Variants in BCOR observed in about 807,000 individuals in gnomAD.
BCOR encodes the protein BCL-6 corepressor.
A neutral mutation model predicts 86.7 loss-of-function variants in BCOR; 10 were observed. That is an observed-to-expected ratio of 0.12 (90% confidence interval 0.07 to 0.20). The LOEUF is 0.20. Among genes scored for constraint, BCOR ranks in the 10% least tolerant of loss-of-function variants. The pLI, the probability that BCOR is intolerant of heterozygous loss-of-function variation, is 1.00. For synonymous variants in BCOR, 611 were observed against 609.0 expected (o/e 1.00, Z -0.05); for missense variants, 1,259 against 1,452.1 (o/e 0.87, Z 2.16).
intron 1 of BCOR, among the ~76,000 whole-genome samples, chrX:40,145,511 G>C (rs1015134350): frequency 1.8e-5 from 2 of 111,125 alleles, no homozygotes; most frequent in South Asian, 3.8e-4. Context: ...AAAGGCAAAA[G>C]AGTCCCCGTT....
chrX:40,083,083 T>G (rs1602178554), intron 1 of BCOR, among the ~76,000 whole-genome samples: 1 of 100,559 alleles, frequency 9.9e-6, no homozygotes, highest in African/African-American at 3.7e-5. Flanking sequence ...AAGGGAGGGG[T>G]GAAGAAGTTC....
intron 8 of BCOR, 39 bp from the exon 9 acceptor site, chrX:40,063,110 G>GGGGGC: frequency 4.7e-6 from 3 of 644,532 alleles, no homozygotes; most frequent in East Asian, 1.1e-4. Flanking sequence ...GGGCGGATGG[G>GGGGGC]AGACGGGAGA....
intron 1 of BCOR, among the ~76,000 whole-genome samples, chrX:40,085,013 C>G (rs1189284078): frequency 9.0e-6 from 1 of 111,324 alleles, no homozygotes; most frequent in Non-Finnish European, 1.9e-5. Context: ...CATGGAACAA[C>G]TATGGTATAG....
rs1294441217 is a variant in BCOR at position 40,096,813 on chromosome X, A to ACCCAGCTT, written c.-41+394_-41+401dup. 3.6e-5 allele frequency among the ~76,000 whole-genome samples: 4 copies of ACCCAGCTT among 111,898 alleles called. No homozygotes were observed. The East Asian group carries it at 1.1e-3, about 32-fold the overall frequency. On this transcript the variant is annotated intron_variant, in intron 1 of 14. Coordinates refer to ENST00000378444, the MANE Select transcript of BCOR (RefSeq NM_001123385.2). ...CTTCCTGCTCGCGAGCTAACGCCGA[A>ACCCAGCTT]CCCAGCTTCCCAGCTTCCAGCCCAC...
At position 40,073,745 on chromosome X, in the gene BCOR, C is replaced by G. The variant is rs1407822292; in HGVS notation, c.1601G>C (p.Trp534Ser). 3.3e-6 allele frequency: 4 copies of G among 1,211,854 alleles called. No homozygotes were observed. Among genetic ancestry groups the G allele is most frequent in the Admixed American group, 4.3e-5 (2 of 46,092 alleles). ...SMSLKNKALD[W>S]AIPQQRSSSC... ...TGAACTCCGCTGCTGTGGTATCGCC[C>G]AGTCCAATGCCTTGTTTTTCAGCGA... is the stretch of plus-strand genomic sequence containing the variant. The change falls in exon 4 of 15, where the codon TGG (tryptophan) becomes TCG (serine). Residue 534 changes from tryptophan (W) to serine (S), a missense_variant. Trp to Ser is a radical substitution (Grantham distance 177). Coordinates refer to ENST00000378444, the MANE Select transcript of BCOR (RefSeq NM_001123385.2).
At position 40,073,253 on chromosome X, in the gene BCOR, G is replaced by A. The variant is rs1428560312; in HGVS notation, c.2093C>T (p.Pro698Leu). The A allele has an allele frequency of 3.3e-6, 4 of 1,210,545 alleles. No individual in the cohort carries two copies. The highest frequency in any genetic ancestry group is 4.5e-6 in the Non-Finnish European group (4 of 895,189). The change falls in exon 4 of 15, where the codon CCA becomes CTA. Residue 698 changes from proline (P) to leucine (L), a missense_variant. Physicochemically the swap from Pro to Leu is moderately conservative, Grantham distance 98 (BLOSUM62 -3). Coordinates refer to ENST00000378444, the MANE Select transcript of BCOR (RefSeq NM_001123385.2). ...NGSLFPGHLA[P>L]KPGLPYGLPT... ...AAGCCCATAGGGCAGCCCAGGCTTT[G>A]GGGCAAGGTGCCCAGGAAACAGACT...
At chrX:40,084,058 C>A (rs1489233336) in intron 1 of BCOR, among the ~76,000 whole-genome samples, 1 of 112,248 alleles carries the variant, frequency 8.9e-6, no homozygotes, top group Non-Finnish European at 1.9e-5. Flanking sequence ...GGTTCCCTTC[C>A]GATCATACTA....
In BCOR at chrX:40,054,243, C is replaced by T; in HGVS notation, c.4819+13G>A. 8.3e-7 allele frequency: 1 copy of T among 1,201,722 alleles called. No individual in the cohort carries two copies. The highest frequency in any genetic ancestry group is 1.1e-6 in the Non-Finnish European group (1 of 887,871). On this transcript the variant is annotated intron_variant, in intron 13 of 14. Transcript: ENST00000378444. The stretch of plus-strand genomic sequence containing the variant: ...TCACCTCCTACGGAACTAGAGCAAA[C>T]AATGCAGCTTACCACAAACAGAGCT...
chrX:40,133,388 G>A (rs1252897387), intron 1 of BCOR, among the ~76,000 whole-genome samples: 1 of 109,941 alleles, frequency 9.1e-6, no homozygotes, highest in East Asian at 2.8e-4. Context: ...CACCCTCCTC[G>A]GCCTCCCGAA....
chrX:40,117,034 GAGA>G (rs1273321669), intron 1 of BCOR, among the ~76,000 whole-genome samples: 1 of 112,495 alleles, frequency 8.9e-6, no homozygotes, highest in African/African-American at 3.2e-5. Context: ...ACCCGGAGGA[GAGA>G]AGATCAGTTT....
intron 1 of BCOR, among the ~76,000 whole-genome samples, chrX:40,147,258 T>G (rs191607083): frequency 8.9e-6 from 1 of 112,641 alleles, no homozygotes; most frequent in African/African-American, 3.2e-5. Context: ...CCTCGAAGTC[T>G]GCCGCAGAAA....
chrX:40,052,253 A>G lies in BCOR; in HGVS notation c.5124T>C (p.Ser1708=). The change falls in exon 15 of 15, where the codon TCT becomes TCC. Residue 1708 remains serine, a synonymous_variant. Coordinates refer to ENST00000378444, the MANE Select transcript of BCOR (RefSeq NM_001123385.2). ...YRQVSASLLF[S]CSKDLEAFNP... ...TGAAGGCTTCCAGGTCTTTGGAGCA[A>G]GAGAACAAGAGACTTGCAGAAACCT... The G allele has an allele frequency of 8.3e-7, 1 of 1,212,047 alleles. No individual in the cohort carries two copies. The highest frequency in any genetic ancestry group is 1.7e-5 in the African/African-American group (1 of 57,914).
chrX:40,077,099 G>T, intron 2 of BCOR: 1 of 247,712 alleles, frequency 4.0e-6, no homozygotes, highest in South Asian at 3.9e-5. Flanking sequence ...AATGACAGGG[G>T]GATACACACT....
At chrX:40,158,524 C>T (rs73621147) in intron 1 of BCOR, among the ~76,000 whole-genome samples, 1,171 of 112,543 alleles carry the variant, frequency 0.01, 18 homozygotes, top group African/African-American at 0.036. Context: ...GAAAGCGTGG[C>T]CTGTAGTGTC....
In BCOR at chrX:40,063,673, C is replaced by G. The variant is rs764822863; in HGVS notation, c.3782G>C (p.Arg1261Thr). ...NITEEKPGRK[R>T]AEAKGNRSWS... ...GCTTCTGTTGCCTTTGGCCTCTGCC[C>G]TTTTCCTGCCAGGTTTCTCTTCAGT... Residue 1261 changes from arginine (R) to threonine (T), a missense_variant, in exon 8 of 15, where the codon AGG (arginine) becomes ACG (threonine). This residue lies in a region of BCOR where 305 missense variants were observed against 286.1 expected (regional missense o/e 1.07). Coordinates refer to ENST00000378444, the MANE Select transcript of BCOR (RefSeq NM_001123385.2). The G allele has an allele frequency of 5.8e-6, 7 of 1,211,584 alleles. No homozygotes were observed. The highest frequency in any genetic ancestry group is 3.0e-5 in the East Asian group (1 of 33,839).
rs1408430881 is a variant in BCOR, at chrX:40,137,066, TG to T, written c.-41+39940del. Among the ~76,000 whole-genome samples, 19 of 112,118 alleles carry T rather than the reference TG, an allele frequency of 1.7e-4. No homozygotes were observed. The Admixed American group carries it at 1.7e-3, about 10-fold the overall frequency. On this transcript the variant is annotated intron_variant, in intron 1 of 14. Coordinates refer to the BCOR transcript ENST00000342274. ...GAGGTTTCTCTGTGTGTCACTTCAC[TG>T]GGGGGAACTTCAAAGGGACTTATGT...
Position 40,074,831 on chromosome X carries a change from G to A in BCOR, c.515C>T (p.Ala172Val), listed in dbSNP as rs2147269293. ...GTTGAGAGGGCTCTGTTTGTCGCTG[G>A]CAGGCCTGTCCAAGCCCAGCGCTTC... The part of the protein sequence containing the change: ...TAEALGLDRP[A>V]SDKQSPLNIN... Residue 172 changes from alanine (A) to valine (V), a missense_variant, in exon 4 of 15, where the codon GCC becomes GTC. Physicochemically the swap from Ala to Val is moderately conservative, Grantham distance 64. Transcript: ENST00000378444. 6 of 1,211,806 alleles carry A rather than the reference G, an allele frequency of 5.0e-6. No homozygotes were observed. The highest frequency in any genetic ancestry group is 6.7e-6 in the Non-Finnish European group (6 of 895,518).
chrX:40,108,405 A>G (rs966067520), intron 1 of BCOR, among the ~76,000 whole-genome samples: 1 of 113,574 alleles, frequency 8.8e-6, no homozygotes, highest in African/African-American at 3.2e-5. Context: ...GCGCGGAGCC[A>G]GTAAATCAAT....
At chrX:40,096,735 A>G (rs1370403145) in intron 1 of BCOR, among the ~76,000 whole-genome samples, 1 of 111,829 alleles carries the variant, frequency 8.9e-6, no homozygotes, top group African/African-American at 3.2e-5. Context: ...GGGGGTTTTT[A>G]CAGTTCTTTC....
Sources: gnomAD v4.1 joint callset for allele counts (sites outside exome capture counted in the v4.1 genomes callset) on GRCh38, gnomAD v4.1.1 for gene constraint, gnomAD v4.1.1 regional missense constraint, MANE v1.5 for transcripts, NCBI Gene and HGNC (gene_info 2026-07-23, HGNC 2026-07-21) for gene names.